Variants in ROBO2 observed in about 807,000 individuals in gnomAD.
ROBO2 encodes the protein roundabout guidance receptor 2.
Under a neutral mutation model 160.8 loss-of-function variants are expected in ROBO2, and 53 were observed. The ratio of observed to expected loss-of-function variants is 0.33; its 90% CI spans 0.26 to 0.41. ROBO2 has a LOEUF of 0.41. ROBO2 is among the 10% of genes least tolerant of loss of function. The probability of loss-of-function intolerance (pLI) is 1.00; values close to 1 mark genes in which losing one functional copy is unlikely to be tolerated. For synonymous variants in ROBO2, 664 were observed against 611.7 expected, an observed-to-expected ratio of 1.09 and a Z score of -1.26; for missense variants, 1,577 against 1,722.4, an observed-to-expected ratio of 0.92 and a Z score of 1.49.
chr3:76,618,309 G>A (rs2121786), intron 2 of ROBO2, among the ~76,000 whole-genome samples: 84,700 of 151,134 alleles, frequency 0.56, 24,336 homozygotes, highest in Middle Eastern at 0.69. Flanking sequence ...TACCATTACT[G>A]TTGATTATAA....
chr3:77,578,048 A>T (rs1292542345), intron 15 of ROBO2, among the ~76,000 whole-genome samples: 1 of 151,882 alleles, frequency 6.6e-6, no homozygotes, highest in African/African-American at 2.4e-5. Context: ...GGCAGCACCG[A>T]CTCTCACTCT....
chr3:77,199,552 C>G (rs2151001434), intron 2 of ROBO2, among the ~76,000 whole-genome samples: 1 of 151,540 alleles, frequency 6.6e-6, no homozygotes, highest in East Asian at 2.0e-4. Flanking sequence ...TGTTCTTTAG[C>G]TGATTCATCT....
At chr3:76,125,889 T>C (rs1235195377) in intron 2 of ROBO2, among the ~76,000 whole-genome samples, 1 of 152,128 alleles carries the variant, frequency 6.6e-6, no homozygotes, top group Non-Finnish European at 1.5e-5. Flanking sequence ...TGCAATGGCA[T>C]GATCTCAGCT....
chr3:76,756,428 G>T (rs1471453155), intron 2 of ROBO2, among the ~76,000 whole-genome samples: 1 of 151,846 alleles, frequency 6.6e-6, no homozygotes, highest in Non-Finnish European at 1.5e-5. Context: ...TGTAACTCCA[G>T]ACATTCCATT....
chr3:77,643,049 T>G, intron 24 of ROBO2, 106 bp downstream of exon 26: 1 of 398,810 alleles, frequency 2.5e-6, no homozygotes, highest in Admixed American at 2.9e-5. Flanking sequence ...AACATTTGCC[T>G]TCAATCGTAA....
At chr3:76,223,646 C>T (rs534324828) in intron 2 of ROBO2, among the ~76,000 whole-genome samples, 1 of 152,118 alleles carries the variant, frequency 6.6e-6, no homozygotes, top group Non-Finnish European at 1.5e-5. Flanking sequence ...ACTTGTATTG[C>T]AATTAAGCCA....
intron 2 of ROBO2, among the ~76,000 whole-genome samples, chr3:76,172,003 T>G (rs770171577): frequency 1.3e-5 from 2 of 152,092 alleles, no homozygotes; most frequent in Admixed American, 6.6e-5. Context: ...AAGGAATATA[T>G]GACTCCATCC....
chr3:76,671,713 C>T (rs2092268809), intron 2 of ROBO2, among the ~76,000 whole-genome samples: 1 of 151,840 alleles, frequency 6.6e-6, no homozygotes. Flanking sequence ...TTAGAAAATA[C>T]ATCTTTTTGA....
At chr3:76,141,155 CTCTCTATATATA>C (rs1361050079) in intron 2 of ROBO2, among the ~76,000 whole-genome samples, 11 of 25,026 alleles carry the variant, frequency 4.4e-4, no homozygotes, top group East Asian at 2.5e-3. Context: ...CTCTCTCTCT[CTCTCTATATATA>C]TATATATATA....
intron 2 of ROBO2, among the ~76,000 whole-genome samples, chr3:76,073,893 T>G (rs1234943407): frequency 6.6e-6 from 1 of 152,110 alleles, no homozygotes; most frequent in Non-Finnish European, 1.5e-5. Context: ...GGCACTGCCT[T>G]GAGCTTGCCC....
intron 2 of ROBO2, among the ~76,000 whole-genome samples, chr3:77,195,043 A>G (rs1355396405): frequency 2.0e-5 from 3 of 152,162 alleles, no homozygotes; most frequent in Non-Finnish European, 4.4e-5. Flanking sequence ...ATTCCCTTTT[A>G]TAAATCTCAA....
At chr3:77,496,809 T>C (rs2086850571) in intron 5 of ROBO2, among the ~76,000 whole-genome samples, 1 of 152,144 alleles carries the variant, frequency 6.6e-6, no homozygotes, top group Non-Finnish European at 1.5e-5. Flanking sequence ...AGAAGATATC[T>C]GTGCCAACCT....
intron 7 of ROBO2, 115 bp from the exon 9 acceptor site, chr3:77,550,703 T>G: frequency 9.2e-7 from 1 of 1,092,244 alleles, no homozygotes; most frequent in Non-Finnish European, 1.4e-6. Context: ...ACCATATATA[T>G]TTTAATCTGT....
intron 2 of ROBO2, among the ~76,000 whole-genome samples, chr3:76,997,875 A>G (rs2061110502): frequency 6.6e-6 from 1 of 152,164 alleles, no homozygotes; most frequent in African/African-American, 2.4e-5. Context: ...GAAATGGCCC[A>G]AAATGACCTC....
chr3:76,698,285 T>C (rs1276674431), intron 2 of ROBO2, among the ~76,000 whole-genome samples: 1 of 152,160 alleles, frequency 6.6e-6, no homozygotes, highest in East Asian at 1.9e-4. Flanking sequence ...ATTGACACGG[T>C]GTTTTATCGA....
intron 2 of ROBO2, among the ~76,000 whole-genome samples, chr3:76,644,954 A>C (rs1214226772): frequency 1.3e-5 from 2 of 152,238 alleles, no homozygotes; most frequent in African/African-American, 2.4e-5. Flanking sequence ...ATTTATGAGC[A>C]AACTGCCAAT....
At chr3:76,467,091 A>C (rs1055662433) in intron 2 of ROBO2, among the ~76,000 whole-genome samples, 2 of 152,068 alleles carry the variant, frequency 1.3e-5, no homozygotes, top group African/African-American at 4.8e-5. Flanking sequence ...AATATATTTT[A>C]TATGTTCATG....
At chr3:76,976,946 A>G (rs1427336205) in intron 2 of ROBO2, among the ~76,000 whole-genome samples, 1 of 152,020 alleles carries the variant, frequency 6.6e-6, no homozygotes, top group East Asian at 1.9e-4. Context: ...TTAATCATAT[A>G]TGGTTCGCTT....
intron 2 of ROBO2, among the ~76,000 whole-genome samples, chr3:77,000,970 A>T (rs2061307246): frequency 6.6e-6 from 1 of 152,140 alleles, no homozygotes; most frequent in Admixed American, 6.6e-5. Context: ...TAACGCATCC[A>T]GTTTAGCACC....
Sources: gnomAD v4.1 joint callset for allele counts (sites outside exome capture counted in the v4.1 genomes callset) on GRCh38, gnomAD v4.1.1 for gene constraint, MANE v1.5 for transcripts, NCBI Gene and HGNC (gene_info 2026-07-23, HGNC 2026-07-21) for gene names.